MYOM2: variants seen among roughly 807,000 people sequenced by gnomAD.
The protein encoded by MYOM2 is myomesin-2.
Under a neutral mutation model 187.6 loss-of-function variants are expected in MYOM2, and 254 were observed. The observed-to-expected ratio is 1.35, with a 90% CI of 1.22 to 1.50. MYOM2 has a LOEUF of 1.50. Among genes scored for constraint, MYOM2 ranks in the 40% most tolerant of loss-of-function variants. The probability of loss-of-function intolerance (pLI) is 0.00; values close to 1 mark genes in which losing one functional copy is unlikely to be tolerated. For missense variants in MYOM2, 2,796 were observed against 1,924.0 expected (o/e 1.45, Z -8.48); for synonymous variants, 981 against 753.8 (o/e 1.30, Z -4.94).
At position 2,092,406 on chromosome 8, in the gene MYOM2, T is replaced by C. The variant is rs1249524453; in HGVS notation, c.1889T>C (p.Val630Ala). 1 of 1,614,148 alleles carries C rather than the reference T, an allele frequency of 6.2e-7. No homozygotes were observed. Among genetic ancestry groups the C allele is most frequent in the Admixed American group, 1.7e-5 (1 of 60,022 alleles). ...CGAAACACCAAGACGTCGGTGGTGG[T>C]GCAGTGGGACCGACCTAAGCATGAG... ...ASRNTKTSVV[V>A]QWDRPKHEED... The change falls in exon 16 of 37, where the codon GTG becomes GCG. Residue 630 changes from valine (V) to alanine (A), a missense_variant. Transcript: ENST00000262113.
chr8:2,093,702 C>CTATTAT (rs1796383732), intron 16 of MYOM2, among the ~76,000 whole-genome samples: 1 of 152,126 alleles, frequency 6.6e-6, no homozygotes, highest in South Asian at 2.1e-4. Flanking sequence ...GACCTCTGAT[C>CTATTAT]CAGAGGAGGC....
chr8:2,089,109 C>A (rs1796197491), intron 14 of MYOM2, among the ~76,000 whole-genome samples: 1 of 45,656 alleles, frequency 2.2e-5, no homozygotes, highest in African/African-American at 5.0e-5. Flanking sequence ...GTCTGGGTTG[C>A]TATCTGAATT....
intron 19 of MYOM2, among the ~76,000 whole-genome samples, chr8:2,100,033 T>TTTCCTTCCTTCCTTCTTTCC: frequency 9.1e-6 from 1 of 110,048 alleles, no homozygotes; most frequent in Non-Finnish European, 2.1e-5. Flanking sequence ...TCCTTCCTTC[T>TTTCCTTCCTTCCTTCTTTCC]TTCCTTCCTT....
chr8:2,102,854 G>A (rs1796755927), intron 21 of MYOM2, 73 bp downstream of exon 21: 5 of 1,219,242 alleles, frequency 4.1e-6, no homozygotes, highest in East Asian at 4.9e-5. Flanking sequence ...TGGATGTATG[G>A]ATGAGGGTGT....
chr8:2,105,810 T>C (rs1796868284), intron 21 of MYOM2, among the ~76,000 whole-genome samples: 1 of 152,234 alleles, frequency 6.6e-6, no homozygotes. Context: ...ATGAGGTCTC[T>C]GCATTGGGTA....
intron 13 of MYOM2, 59 bp from the exon 14 acceptor site, chr8:2,085,204 G>T: frequency 6.3e-7 from 1 of 1,587,168 alleles, no homozygotes; most frequent in Admixed American, 1.7e-5. Flanking sequence ...GCCCCGAGGT[G>T]GGCTGCAGCG....
At chr8:2,117,009 C>T (rs557937012) in intron 27 of MYOM2, among the ~76,000 whole-genome samples, 16 of 152,310 alleles carry the variant, frequency 1.1e-4, no homozygotes, top group East Asian at 5.8e-4. Flanking sequence ...GTGATCCGCC[C>T]GCCTTGGCCT....
chr8:2,069,683 A>G (rs939463716), intron 8 of MYOM2, among the ~76,000 whole-genome samples, 186 bp downstream of exon 8: 1 of 151,644 alleles, frequency 6.6e-6, no homozygotes, highest in Middle Eastern at 3.4e-3. Flanking sequence ...CCGGGTTCAC[A>G]CCTAAGGGTC....
intron 6 of MYOM2, among the ~76,000 whole-genome samples, chr8:2,062,457 G>T (rs1181052845): frequency 6.6e-6 from 1 of 152,136 alleles, no homozygotes; most frequent in East Asian, 1.9e-4. Flanking sequence ...GAGCCAGCAG[G>T]ATTTGCTGCT....
intron 19 of MYOM2, among the ~76,000 whole-genome samples, chr8:2,100,291 G>C (rs2116774552): frequency 6.6e-6 from 1 of 151,958 alleles, no homozygotes; most frequent in Non-Finnish European, 1.5e-5. Flanking sequence ...AGTCATTCTA[G>C]TTTCCCGAGC....
At chr8:2,072,566 G>C (rs1819270611) in intron 9 of MYOM2, 57 bp downstream of exon 9, 1 of 1,561,086 alleles carries the variant, frequency 6.4e-7, no homozygotes, top group African/African-American at 1.4e-5. Context: ...GGACGGAAAT[G>C]TCCTTTAAAT....
intron 35 of MYOM2, 142 bp downstream of exon 35, chr8:2,142,539 A>C: frequency 1.2e-6 from 1 of 825,840 alleles, no homozygotes; most frequent in Non-Finnish European, 2.1e-6. Flanking sequence ...CCAACACCAC[A>C]CCCTGTCCTG....
rs369226595 is a variant in MYOM2, at chr8:2,085,259, C to G, written c.1517-4C>G. On this transcript the variant is annotated splice_region_variant and splice_polypyrimidine_tract_variant and intron_variant, in intron 13 of 36. Coordinates refer to ENST00000262113, the MANE Select transcript of MYOM2 (RefSeq NM_003970.4). The stretch of plus-strand genomic sequence containing the variant: ...AGCACTCACCGAATTTATTATTCCT[C>G]CAGGTGACGCCCAGGTTCCAGGGCC... 3.1e-6 allele frequency: 5 copies of G among 1,613,700 alleles called. No homozygotes were observed. In the South Asian group the frequency reaches 3.3e-5, roughly 11 times the overall value.
intron 13 of MYOM2, chr8:2,084,874 C>T (rs536860990): frequency 1.1e-4 from 19 of 174,814 alleles, no homozygotes; most frequent in South Asian, 1.6e-4. Context: ...CCTCCATCCG[C>T]GGTGCTTCTG....
intron 14 of MYOM2, 83 bp downstream of exon 14, chr8:2,085,473 C>CATGATCTCTGTGTGGCCCACCGCTGTT: frequency 6.8e-7 from 1 of 1,478,522 alleles, no homozygotes; most frequent in African/African-American, 1.5e-5. Flanking sequence ...CCACCGCTGT[C>CATGATCTCTGTGTGGCCCACCGCTGTT]GTGATCTCCG....
At chr8:2,122,131 G>C (rs181834546) in intron 28 of MYOM2, among the ~76,000 whole-genome samples, 4 of 152,336 alleles carry the variant, frequency 2.6e-5, no homozygotes, top group Admixed American at 2.0e-4. Context: ...ATTGACTTAA[G>C]AGACAGTAAG....
chr8:2,123,400 A>C, intron 29 of MYOM2, 35 bp downstream of exon 29: 1 of 1,539,916 alleles, frequency 6.5e-7, no homozygotes, highest in South Asian at 1.1e-5. Flanking sequence ...AAAGCAAAAC[A>C]AAAACGGCAC....
intron 27 of MYOM2, 141 bp downstream of exon 27, chr8:2,116,416 C>G: frequency 1.3e-6 from 1 of 775,746 alleles, no homozygotes; most frequent in Non-Finnish European, 2.0e-6. Flanking sequence ...GGCTTACCAA[C>G]TGCATAGGAA....
chr8:2,142,213 C>T (rs192367102), intron 34 of MYOM2, among the ~76,000 whole-genome samples, 162 bp from the exon 35 acceptor site: 3 of 152,180 alleles, frequency 2.0e-5, no homozygotes, highest in Non-Finnish European at 4.4e-5. Context: ...TGATATCCAT[C>T]CTGGGGTCCT....
Sources: gnomAD v4.1 joint callset for allele counts (sites outside exome capture counted in the v4.1 genomes callset) on GRCh38, gnomAD v4.1.1 for gene constraint, MANE v1.5 for transcripts, NCBI Gene and HGNC (gene_info 2026-07-23, HGNC 2026-07-21) for gene names.